ATP6V0A1: variants seen among roughly 807,000 people sequenced by gnomAD.
ATP6V0A1 encodes V-type proton ATPase 116 kDa subunit a 1.
Under a neutral mutation model 105.4 loss-of-function variants are expected in ATP6V0A1, and 43 were observed. The observed-to-expected ratio is 0.41, with a 90% CI of 0.32 to 0.53. ATP6V0A1 has a LOEUF of 0.53. Among genes scored for constraint, ATP6V0A1 ranks in the 20% least tolerant of loss-of-function variants. ATP6V0A1 has a pLI of 0.30. For missense variants in ATP6V0A1, 676 were observed against 1,051.1 expected, an observed-to-expected ratio of 0.64 and a Z score of 4.93; for synonymous variants, 362 against 372.8, an observed-to-expected ratio of 0.97 and a Z score of 0.33.
At chr17:42,519,103 A>T (rs1427375113) in intron 21 of ATP6V0A1, 2 of 152,316 alleles carry the variant, frequency 1.3e-5, no homozygotes, top group South Asian at 4.1e-4. Context: ...GAGGGGCAGT[A>T]TTGGGCAGTA....
chr17:42,498,893 A>C, intron 14 of ATP6V0A1, 31 bp from the exon 15 acceptor site: 1 of 1,403,136 alleles, frequency 7.1e-7, no homozygotes, highest in Non-Finnish European at 1.0e-6. Context: ...AATTCTTTAT[A>C]ATACCTATTT....
Position 42,477,752 on chromosome 17 carries a change from A to G in ATP6V0A1, c.506+10A>G, listed in dbSNP as rs199502315. ...CTCCTTTAAGACTTGGGTAAGTGCC[A>G]TGTCAACTTTTCGGTATTCAGTGGG... On this transcript the variant is annotated intron_variant, in intron 6 of 21. Coordinates refer to ENST00000343619, the MANE Select transcript of ATP6V0A1 (RefSeq NM_001130021.3). 4.1e-5 allele frequency: 66 copies of G among 1,604,612 alleles called. No homozygotes were observed. Among genetic ancestry groups the G allele is most frequent in the Non-Finnish European group, 5.0e-5 (59 of 1,172,026 alleles).
intron 4 of ATP6V0A1, 101 bp downstream of exon 4, chr17:42,468,208 C>G: frequency 1.5e-6 from 1 of 664,374 alleles, no homozygotes; most frequent in Non-Finnish European, 2.4e-6. Flanking sequence ...CTAACTTTGT[C>G]AGCATTATCT....
At chr17:42,501,532 A>G (rs1346483211) in intron 17 of ATP6V0A1, among the ~76,000 whole-genome samples, 2 of 152,044 alleles carry the variant, frequency 1.3e-5, no homozygotes, top group South Asian at 2.1e-4. Flanking sequence ...CTTTTGCCTC[A>G]GCCTCCTGTG....
chr17:42,514,139 T>G (rs2092491497), intron 20 of ATP6V0A1, 150 bp from the exon 21 acceptor site: 1 of 1,270,524 alleles, frequency 7.9e-7, no homozygotes, highest in Non-Finnish European at 1.1e-6. Context: ...TCAGCACTTG[T>G]GCCAGGTTAG....
rs764188376 is a variant in ATP6V0A1, at chr17:42,513,882, G to A, written c.2152G>A (p.Val718Ile). 21 of 1,614,064 alleles carry A rather than the reference G, an allele frequency of 1.3e-5. No homozygotes were observed. The highest frequency in any genetic ancestry group is 1.8e-5 in the Non-Finnish European group (21 of 1,179,978). The change falls in exon 20 of 22, where the codon GTC becomes ATC. Residue 718 changes from valine to isoleucine, a missense_variant. By Grantham distance (29) the Val-to-Ile change is conservative. Around this residue, in one of 3 missense-constraint regions of ATP6V0A1, gnomAD observed 435 missense variants for 642.2 expected, o/e 0.68. Transcript: ENST00000343619. ...ACAGTTTGACTTTGGGGACACCATG[G>A]TCCACCAGGCCATCCACACCATCGA... ...DEVFDFGDTM[V>I]HQAIHTIEYC... is the part of the protein sequence containing the mutation.
chr17:42,485,805 C>T (rs190514552), intron 9 of ATP6V0A1, among the ~76,000 whole-genome samples: 15 of 152,298 alleles, frequency 9.8e-5, no homozygotes, highest in African/African-American at 3.6e-4. Flanking sequence ...AATCCTCCTG[C>T]CTTGGCCTCC....
rs773465918 is a variant in ATP6V0A1, at chr17:42,494,501, A to G, written c.1314+28A>G. 5.3e-5 allele frequency: 83 copies of G among 1,573,574 alleles called. 2 individuals carry two copies. The highest frequency in any genetic ancestry group is 4.5e-4 in the East Asian group (20 of 44,270). On this transcript the variant is annotated intron_variant, in intron 12 of 21. Coordinates refer to ENST00000343619, the MANE Select transcript of ATP6V0A1 (RefSeq NM_001130021.3). ...AATGTTTAAGTTACATCTGCATTGA[A>G]CTGAAATTTTATAATTTCCCAAGCA...
intron 5 of ATP6V0A1, among the ~76,000 whole-genome samples, chr17:42,474,223 C>A (rs757776958): frequency 6.6e-6 from 1 of 151,864 alleles, no homozygotes; most frequent in African/African-American, 2.4e-5. Flanking sequence ...AGGCTGGTCT[C>A]GAACTCTGAC....
At chr17:42,501,540 G>A (rs2091670416) in intron 17 of ATP6V0A1, among the ~76,000 whole-genome samples, 1 of 151,946 alleles carries the variant, frequency 6.6e-6, no homozygotes, top group South Asian at 2.1e-4. Flanking sequence ...TCAGCCTCCT[G>A]TGTCACTGGG....
intron 6 of ATP6V0A1, 33 bp from the exon 7 acceptor site, chr17:42,478,426 TGGAA>T: frequency 6.7e-7 from 1 of 1,490,070 alleles, no homozygotes; most frequent in Non-Finnish European, 9.0e-7. Context: ...TCCCATGACA[TGGAA>T]TAGAGTTTCC....
At chr17:42,473,375 C>A (rs970978621) in intron 5 of ATP6V0A1, among the ~76,000 whole-genome samples, 10 of 152,210 alleles carry the variant, frequency 6.6e-5, no homozygotes, top group African/African-American at 2.4e-4. Context: ...ATATAATGAG[C>A]ACCTACTTAT....
intron 11 of ATP6V0A1, among the ~76,000 whole-genome samples, chr17:42,493,336 G>A (rs573121448): frequency 2.0e-5 from 3 of 152,178 alleles, no homozygotes; most frequent in Non-Finnish European, 4.4e-5. Context: ...CTCTCCATCT[G>A]TACGTTATCT....
chr17:42,508,440 G>T, intron 18 of ATP6V0A1, 132 bp from the exon 19 acceptor site: 1 of 1,109,526 alleles, frequency 9.0e-7, no homozygotes, highest in Non-Finnish European at 1.4e-6. Context: ...TGCTGAGGAG[G>T]CCTGCCTCCA....
chr17:42,496,990 CAA>C (rs2091243291), intron 14 of ATP6V0A1, among the ~76,000 whole-genome samples: 4 of 151,950 alleles, frequency 2.6e-5, no homozygotes, highest in East Asian at 3.9e-4. Flanking sequence ...TTTAGAGACT[CAA>C]GAGATATATC....
At chr17:42,486,284 G>A (rs545064462) in intron 9 of ATP6V0A1, among the ~76,000 whole-genome samples, 200 of 152,066 alleles carry the variant, frequency 1.3e-3, no homozygotes, top group Non-Finnish European at 2.2e-3. Context: ...GGTGGCGCGC[G>A]CCTGTAATCC....
At chr17:42,504,335 C>T (rs1453096364) in intron 17 of ATP6V0A1, among the ~76,000 whole-genome samples, 1 of 152,122 alleles carries the variant, frequency 6.6e-6, no homozygotes, top group East Asian at 1.9e-4. Context: ...TCCTGTAACT[C>T]TCATTCCTGT....
At chr17:42,493,545 C>T (rs542133517) in intron 11 of ATP6V0A1, among the ~76,000 whole-genome samples, 41 of 152,264 alleles carry the variant, frequency 2.7e-4, no homozygotes, top group African/African-American at 9.4e-4. Flanking sequence ...CCTGTAATCT[C>T]GGATATTCAG....
intron 17 of ATP6V0A1, chr17:42,502,883 A>AC (rs1314078276): frequency 6.6e-6 from 1 of 152,650 alleles, no homozygotes; most frequent in African/African-American, 2.4e-5. Flanking sequence ...GTGAATTAAA[A>AC]CCAACAAACC....
Sources: allele counts gnomAD v4.1 joint callset (sites outside exome capture counted in the v4.1 genomes callset), GRCh38; gene constraint gnomAD v4.1.1; regional missense constraint gnomAD v4.1.1; transcripts MANE v1.5; gene names NCBI Gene and HGNC (gene_info 2026-07-23, HGNC 2026-07-21).